Variants in PARVB observed in about 807,000 individuals in gnomAD.
PARVB encodes parvin beta, also known as beta-parvin.
PARVB carries 46 observed loss-of-function variants against 47.0 expected under a neutral mutation model. The ratio of observed to expected loss-of-function variants is 0.98; its 90% CI spans 0.77 to 1.25. The LOEUF is 1.25. Among genes scored for constraint, PARVB ranks in the 50% most tolerant of loss-of-function variants. PARVB has a pLI of 0.00. For synonymous variants in PARVB, 196 were observed against 196.3 expected (o/e 1.00, Z 0.01); for missense variants, 473 against 471.6 (o/e 1.00, Z -0.03).
chr22:44,045,022 T>C (rs1388412729), intron 1 of PARVB, among the ~76,000 whole-genome samples: 6 of 152,252 alleles, frequency 3.9e-5, no homozygotes, highest in Non-Finnish European at 5.9e-5. Context: ...GAGGATTGCT[T>C]GAGCCCGGTG....
At chr22:44,081,946 T>C (rs1162972674) in intron 1 of PARVB, among the ~76,000 whole-genome samples, 1 of 151,916 alleles carries the variant, frequency 6.6e-6, no homozygotes, top group East Asian at 1.9e-4. Context: ...GCGTGATGGG[T>C]TGGAGAAATG....
intron 1 of PARVB, among the ~76,000 whole-genome samples, chr22:44,025,443 C>G (rs2050713123): frequency 6.6e-6 from 1 of 152,086 alleles, no homozygotes; most frequent in Non-Finnish European, 1.5e-5. Context: ...TGCCTCTAGG[C>G]ATGTGTGTGC....
At chr22:44,159,488 G>A (rs1239298873) in intron 11 of PARVB, among the ~76,000 whole-genome samples, 2 of 152,148 alleles carry the variant, frequency 1.3e-5, no homozygotes, top group Non-Finnish European at 2.9e-5. Context: ...GAATCGGAGC[G>A]AGGAAGGGAA....
intron 11 of PARVB, among the ~76,000 whole-genome samples, chr22:44,159,808 A>G (rs1243843678): frequency 6.6e-6 from 1 of 152,142 alleles, no homozygotes; most frequent in Non-Finnish European, 1.5e-5. Context: ...CGTGTACTCA[A>G]AACTGCTTGC....
At chr22:44,043,106 A>G (rs182387519) in intron 1 of PARVB, among the ~76,000 whole-genome samples, 4 of 152,320 alleles carry the variant, frequency 2.6e-5, no homozygotes, top group African/African-American at 7.2e-5. Flanking sequence ...ATGCTACAAC[A>G]TGGGTGAATC....
intron 1 of PARVB, chr22:44,026,445 C>CT: frequency 1.5e-6 from 1 of 664,440 alleles, no homozygotes; most frequent in Non-Finnish European, 1.9e-6. Context: ...ACAAACCCTC[C>CT]TTGGATCTAG....
intron 2 of PARVB, among the ~76,000 whole-genome samples, chr22:44,016,081 CTT>C (rs1021057534): frequency 7.0e-6 from 1 of 142,940 alleles, no homozygotes; most frequent in South Asian, 2.2e-4. Flanking sequence ...CTGTCTTTTT[CTT>C]TTTCTTTCTT....
intron 1 of PARVB, among the ~76,000 whole-genome samples, chr22:44,086,115 T>G (rs999471065): frequency 2.6e-5 from 4 of 152,194 alleles, no homozygotes; most frequent in Admixed American, 2.6e-4. Context: ...CCTCTAGTCA[T>G]GTCAGCACCG....
At chr22:44,137,426 C>T (rs2053461296) in intron 7 of PARVB, among the ~76,000 whole-genome samples, 1 of 152,190 alleles carries the variant, frequency 6.6e-6, no homozygotes, top group Non-Finnish European at 1.5e-5. Context: ...AGCAGCTCTG[C>T]CTATTCAGCA....
At position 44,113,701 on chromosome 22, in the gene PARVB, C is replaced by G. The variant is rs1253262173; in HGVS notation, c.274-5337C>G. On this transcript the variant is annotated intron_variant, in intron 3 of 12. Transcript: ENST00000338758. ...TACTAAGTAAGGCCCTGCACCAACA[C>G]AGATACATTGTTACTAACTAAGGCC... 2 of 60,610 alleles carry G rather than the reference C, an allele frequency of 3.3e-5. 1 individual carries two copies. Among genetic ancestry groups the G allele is most frequent in the Non-Finnish European group, 5.9e-5 (2 of 33,946 alleles). 3.8% of individuals were successfully genotyped at this position (60,610 alleles called of 1,614,324 possible). A position where few individuals can be genotyped will look rare whatever the true frequency, so the allele number is the denominator to read the frequency against.
rs897439057 is a variant in PARVB at position 44,125,313 on chromosome 22, G to A, written c.376+6173G>A. 1.3e-5 allele frequency among the ~76,000 whole-genome samples: 2 copies of A among 152,136 alleles called. No homozygotes were observed. Among genetic ancestry groups the A allele is most frequent in the South Asian group, 2.1e-4 (1 of 4,828 alleles). ...GTGGGAAACAAGAGAGATGAGCCCCGCACCCTGCGCCTGCCCACTCCCCCA... is the reference window on the plus strand; with the variant it reads ...GTGGGAAACAAGAGAGATGAGCCCCACACCCTGCGCCTGCCCACTCCCCCA... On this transcript the variant is annotated intron_variant, in intron 4 of 12. Transcript: ENST00000338758. This position sits in a 1 kb window ranked among gnomAD's most constrained non-coding sequence, Gnocchi z 4.1.
chr22:44,060,663 G>A (rs533148912), intron 1 of PARVB, among the ~76,000 whole-genome samples: 2 of 152,196 alleles, frequency 1.3e-5, no homozygotes, highest in East Asian at 3.9e-4. Flanking sequence ...CACAGGCGAA[G>A]GAGAGGTCTC....
At chr22:44,021,758 C>G (rs183695681), upstream of PARVB, among the ~76,000 whole-genome samples, 275 of 66,858 alleles carry the variant, frequency 4.1e-3, no homozygotes, top group African/African-American at 0.015. Context: ...AAAGTCTAGA[C>G]TCACACACAC....
chr22:44,131,408 C>T (rs2053315326), intron 4 of PARVB, 79 bp from the exon 5 acceptor site: 1 of 1,513,550 alleles, frequency 6.6e-7, no homozygotes, highest in Non-Finnish European at 9.0e-7. Context: ...TCTCAAACTG[C>T]TGGGATTACA....
At chr22:44,146,572 T>C (rs2053689411) in intron 8 of PARVB, 1 of 152,292 alleles carries the variant, frequency 6.6e-6, no homozygotes. Context: ...GGGCCCAGCC[T>C]GGGAGGAAGG....
chr22:44,113,229 A>G (rs1489313250), intron 3 of PARVB: 2 of 123,178 alleles, frequency 1.6e-5, no homozygotes, highest in South Asian at 4.8e-4. Flanking sequence ...GCACCAACAC[A>G]GATACGTTGT....
intron 2 of PARVB, among the ~76,000 whole-genome samples, chr22:44,006,043 A>G (rs1047918596): frequency 1.3e-5 from 2 of 152,332 alleles, no homozygotes; most frequent in African/African-American, 4.8e-5. Context: ...CCCTGGCTCA[A>G]GGGATCCTCC....
intron 2 of PARVB, among the ~76,000 whole-genome samples, chr22:44,098,491 A>G (rs1170477366): frequency 2.6e-5 from 4 of 152,010 alleles, no homozygotes; most frequent in African/African-American, 9.7e-5. Context: ...GGCTTCAAGG[A>G]GTGAGGGAAG....
At chr22:44,088,544 T>C (rs1261651729) in intron 1 of PARVB, among the ~76,000 whole-genome samples, 1 of 152,174 alleles carries the variant, frequency 6.6e-6, no homozygotes, top group Non-Finnish European at 1.5e-5. Flanking sequence ...CAACCTTAGC[T>C]CACTGCAACC....
Sources: allele counts gnomAD v4.1 joint callset (sites outside exome capture counted in the v4.1 genomes callset), GRCh38; gene constraint gnomAD v4.1.1; non-coding constraint Gnocchi (gnomAD v3.1); transcripts MANE v1.5; gene names NCBI Gene and HGNC (gene_info 2026-07-23, HGNC 2026-07-21).